VRK2: variants seen among roughly 807,000 people sequenced by gnomAD.
VRK2 encodes the protein serine/threonine-protein kinase VRK2.
VRK2 carries 60 observed loss-of-function variants against 57.6 expected under a neutral mutation model. The ratio of observed to expected loss-of-function variants is 1.04; its 90% CI spans 0.85 to 1.29. The LOEUF (loss-of-function observed/expected upper bound fraction) is 1.29, where lower values mean the gene tolerates loss of function less well. Among genes scored for constraint, VRK2 ranks in the 50% most tolerant of loss-of-function variants. The pLI, the probability that VRK2 is intolerant of heterozygous loss-of-function variation, is 0.00. For synonymous variants in VRK2, 231 were observed against 199.2 expected (o/e 1.16, Z -1.35); for missense variants, 705 against 588.1 (o/e 1.20, Z -2.06).
At chr2:57,989,718 T>C (rs565288898) in intron 1 of VRK2, among the ~76,000 whole-genome samples, 2 of 152,198 alleles carry the variant, frequency 1.3e-5, no homozygotes, top group Non-Finnish European at 2.9e-5. Context: ...ATTCATATAA[T>C]AAATGCATTT....
chr2:58,082,146 G>A (rs891439326), intron 2 of VRK2, among the ~76,000 whole-genome samples: 1 of 151,712 alleles, frequency 6.6e-6, no homozygotes, highest in Non-Finnish European at 1.5e-5. Flanking sequence ...TGACCGTAGA[G>A]ATTTTCAGGT....
intron 7 of VRK2, among the ~76,000 whole-genome samples, chr2:58,102,599 A>T (rs1016784014): frequency 1.3e-5 from 2 of 151,638 alleles, no homozygotes; most frequent in Non-Finnish European, 3.0e-5. Context: ...GAGCAGCCAG[A>T]TTCATAAAAC....
chr2:58,081,598 A>G (rs892439727), intron 2 of VRK2, among the ~76,000 whole-genome samples: 1 of 151,854 alleles, frequency 6.6e-6, no homozygotes, highest in Non-Finnish European at 1.5e-5. Context: ...ATTTCAAGGT[A>G]TTCATTCTAT....
chr2:58,139,721 A>T lies in VRK2; in HGVS notation c.912A>T (p.Pro304=), dbSNP rs56343107. 3.7e-6 allele frequency: 6 copies of T among 1,613,246 alleles called. No homozygotes were observed. Among genetic ancestry groups the T allele is most frequent in the Non-Finnish European group, 5.1e-6 (6 of 1,179,440 alleles). ...ATAGTTTAGCATATGATGAAAAGCC[A>T]AACTATCAAGCCCTCAAGAAAATTT... ...CAHSLAYDEK[P]NYQALKKILN... Residue 304 remains proline, a synonymous_variant, in exon 11 of 13, where the codon CCA becomes CCT. Transcript: ENST00000340157.
intron 1 of VRK2, among the ~76,000 whole-genome samples, chr2:58,003,872 A>G (rs995368074): frequency 1.5e-4 from 23 of 152,162 alleles, no homozygotes; most frequent in African/African-American, 5.5e-4. Context: ...ATAATTGTTT[A>G]CTATAACTTG....
At chr2:58,019,893 C>A (rs932013794) in intron 1 of VRK2, among the ~76,000 whole-genome samples, 1 of 151,744 alleles carries the variant, frequency 6.6e-6, no homozygotes. Context: ...TTTTAGAAGG[C>A]GAATACAAAT....
chr2:58,027,728 A>T (rs1673976967), intron 2 of VRK2, among the ~76,000 whole-genome samples: 1 of 152,214 alleles, frequency 6.6e-6, no homozygotes, highest in Admixed American at 6.5e-5. Flanking sequence ...AAGTGTTTCA[A>T]ACTAGAAAAA....
chr2:57,916,747 A>G (rs1481781567), intron 1 of VRK2, among the ~76,000 whole-genome samples: 11 of 152,192 alleles, frequency 7.2e-5, no homozygotes. Flanking sequence ...TTACTAAGTC[A>G]GAGTAGAGAA....
At chr2:58,045,334 G>A (rs1367497242), upstream of VRK2, among the ~76,000 whole-genome samples, 1 of 152,272 alleles carries the variant, frequency 6.6e-6, no homozygotes, top group African/African-American at 2.4e-5. Flanking sequence ...ATGCCTGTAG[G>A]GAGAGGAACC....
chr2:57,918,271 T>G (rs1232864230), intron 1 of VRK2, among the ~76,000 whole-genome samples: 1 of 152,098 alleles, frequency 6.6e-6, no homozygotes, highest in Non-Finnish European at 1.5e-5. Context: ...TCTCAGTTCT[T>G]TGGCAAAAGA....
chr2:58,135,025 AGCATT>A, intron 9 of VRK2, 111 bp from the exon 10 acceptor site: 1 of 986,230 alleles, frequency 1.0e-6, no homozygotes, highest in Non-Finnish European at 1.5e-6. Context: ...CAAAAAAAAA[AGCATT>A]GAAAGTCACA....
intron 1 of VRK2, among the ~76,000 whole-genome samples, chr2:57,994,275 TAATGGAGAGGGAA>T (rs1447791334): frequency 1.3e-5 from 2 of 152,228 alleles, no homozygotes; most frequent in Admixed American, 1.3e-4. Flanking sequence ...CAGCCTTTAC[TAATGGAGAGGGAA>T]ATGGTAAAAT....
chr2:58,028,888 A>G (rs916213513), intron 2 of VRK2, among the ~76,000 whole-genome samples: 8 of 55,788 alleles, frequency 1.4e-4, no homozygotes, highest in African/African-American at 5.5e-4. Flanking sequence ...AGTATAATAA[A>G]TAAATAAATA....
chr2:57,946,019 C>T lies in VRK2; in HGVS notation c.-439+38180C>T, dbSNP rs560134193. Among the ~76,000 whole-genome samples, 20 of 152,160 alleles carry T rather than the reference C, an allele frequency of 1.3e-4. 1 individual carries two copies. Among genetic ancestry groups the T allele is most frequent in the Admixed American group, 1.3e-3 (20 of 15,270 alleles). On this transcript the variant is annotated intron_variant, in intron 1 of 15. Transcript: ENST00000417641. ...CCAGATGAAAAGGATTTGGTATTAACAAAGAAGTAGCATTCTACAAGCGAG... is the reference window on the plus strand; with the variant it reads ...CCAGATGAAAAGGATTTGGTATTAATAAAGAAGTAGCATTCTACAAGCGAG...
chr2:57,982,392 G>A (rs779915623), intron 1 of VRK2, among the ~76,000 whole-genome samples: 19 of 152,250 alleles, frequency 1.2e-4, no homozygotes, highest in Non-Finnish European at 2.8e-4. Flanking sequence ...GTAGGTCCCT[G>A]CATGCAAAAG....
At chr2:58,098,687 C>G (rs952897593) in intron 7 of VRK2, among the ~76,000 whole-genome samples, 2 of 151,944 alleles carry the variant, frequency 1.3e-5, no homozygotes, top group African/African-American at 4.8e-5. Flanking sequence ...TAAGTACACT[C>G]TAGGATGTTC....
At chr2:58,028,903 AATATATATATAT>A (rs58729342) in intron 2 of VRK2, among the ~76,000 whole-genome samples, 2,368 of 54,022 alleles carry the variant, frequency 0.044, 93 homozygotes, top group African/African-American at 0.13. Context: ...TAAATAAATA[AATATATATATAT>A]ATATATATAT....
chr2:58,137,829 G>T (rs567174920), intron 10 of VRK2, among the ~76,000 whole-genome samples: 11 of 152,118 alleles, frequency 7.2e-5, no homozygotes, highest in Non-Finnish European at 1.2e-4. Context: ...TATAGTTCTG[G>T]CAATATGCTA....
At chr2:58,153,321 T>TCA (rs1683329977) in intron 12 of VRK2, among the ~76,000 whole-genome samples, 1 of 152,076 alleles carries the variant, frequency 6.6e-6, no homozygotes, top group Admixed American at 6.5e-5. Flanking sequence ...TTTTGTCCAT[T>TCA]CACTATTCAG....
Sources: gnomAD v4.1 joint callset for allele counts (sites outside exome capture counted in the v4.1 genomes callset) on GRCh38, gnomAD v4.1.1 for gene constraint, MANE v1.5 for transcripts, NCBI Gene and HGNC (gene_info 2026-07-23, HGNC 2026-07-21) for gene names.